NELL1: variants seen among roughly 807,000 people sequenced by gnomAD.
NELL1 encodes the protein neural EGFL like 1, also known as protein kinase C-binding protein NELL1.
Under a neutral mutation model 107.4 loss-of-function variants are expected in NELL1, and 76 were observed. The ratio of observed to expected loss-of-function variants is 0.71; its 90% confidence interval spans 0.59 to 0.86. The LOEUF (loss-of-function observed/expected upper bound fraction) is 0.86, where lower values mean the gene tolerates loss of function less well. Among genes scored for constraint, NELL1 ranks in the 40% least tolerant of loss-of-function variants. The pLI, the probability that NELL1 is intolerant of heterozygous loss-of-function variation, is 0.00. For synonymous variants in NELL1, 353 were observed against 341.2 expected, an observed-to-expected ratio of 1.03 and a Z score of -0.38; for missense variants, 1,024 against 1,005.5, an observed-to-expected ratio of 1.02 and a Z score of -0.25.
intron 4 of NELL1, among the ~76,000 whole-genome samples, chr11:20,863,960 C>T (rs544530142): frequency 3.7e-4 from 57 of 152,234 alleles, no homozygotes; most frequent in South Asian, 1.2e-3. Flanking sequence ...ATACGAAAAC[C>T]AGTCAGGCGT....
intron 1 of NELL1, among the ~76,000 whole-genome samples, chr11:20,677,287 G>C (rs1019897063): frequency 2.0e-5 from 3 of 152,100 alleles, no homozygotes; most frequent in Non-Finnish European, 4.4e-5. Flanking sequence ...ATTAATTAGG[G>C]AACACTTTGT....
intron 15 of NELL1, among the ~76,000 whole-genome samples, chr11:21,377,488 A>T (rs1280437974): frequency 6.6e-6 from 1 of 152,112 alleles, no homozygotes; most frequent in Non-Finnish European, 1.5e-5. Context: ...TTCATCAGGC[A>T]CAATGGCCTT....
At chr11:20,792,131 TTTTAAGCTATA>T (rs2133992030) in intron 3 of NELL1, among the ~76,000 whole-genome samples, 1 of 152,246 alleles carries the variant, frequency 6.6e-6, no homozygotes, top group African/African-American at 2.4e-5. Context: ...TTTAGCTGAT[TTTTAAGCTATA>T]TTGAATAGCT....
chr11:21,093,132 CCAT>C lies in NELL1; in HGVS notation c.1301-20454_1301-20452del, dbSNP rs141352714. Reference sequence around the variant, plus strand: ...ATTGATTTCTTTGGTGTAAATATTTCCATCAACAGGCCAATGTGAAATCACTGA... The same window carrying C: ...ATTGATTTCTTTGGTGTAAATATTTCCAACAGGCCAATGTGAAATCACTGA... On this transcript the variant is annotated intron_variant, in intron 12 of 19. Coordinates refer to ENST00000357134, the MANE Select transcript of NELL1 (RefSeq NM_006157.5). 9.4e-3 allele frequency among the ~76,000 whole-genome samples: 1,425 copies of C among 152,160 alleles called. 18 individuals are homozygous for C. Among genetic ancestry groups the C allele is most frequent in the African/African-American group, 0.032 (1,333 of 41,514 alleles).
intron 2 of NELL1, among the ~76,000 whole-genome samples, chr11:20,758,873 A>G (rs1257654424): frequency 1.3e-5 from 2 of 152,220 alleles, no homozygotes; most frequent in African/African-American, 4.8e-5. Context: ...TTCTATTAAT[A>G]AGAATCTGTA....
intron 15 of NELL1, among the ~76,000 whole-genome samples, chr11:21,456,743 G>A (rs1272517634): frequency 2.0e-5 from 3 of 152,118 alleles, no homozygotes; most frequent in East Asian, 1.9e-4. Flanking sequence ...GGCAGGGCTT[G>A]TAGCAGAAAT....
At chr11:21,113,505 T>C in intron 12 of NELL1, 84 bp from the exon 13 acceptor site, 2 of 1,382,608 alleles carry the variant, frequency 1.4e-6, no homozygotes, top group East Asian at 4.7e-5. Flanking sequence ...TGGACATTTA[T>C]CTTTTTTAAT....
At chr11:20,830,517 T>C (rs1319552143) in intron 3 of NELL1, among the ~76,000 whole-genome samples, 2 of 151,836 alleles carry the variant, frequency 1.3e-5, no homozygotes, top group Non-Finnish European at 2.9e-5. Flanking sequence ...TTTGTATTTT[T>C]AGTAGAGACA....
intron 4 of NELL1, among the ~76,000 whole-genome samples, chr11:20,857,007 T>C (rs978569371): frequency 1.3e-5 from 2 of 152,170 alleles, no homozygotes; most frequent in Non-Finnish European, 2.9e-5. Context: ...GGAGTACAGG[T>C]GCATAACTCC....
At chr11:21,402,596 A>G (rs1183169464) in intron 15 of NELL1, among the ~76,000 whole-genome samples, 1 of 151,570 alleles carries the variant, frequency 6.6e-6, no homozygotes, top group African/African-American at 2.4e-5. Flanking sequence ...GAAAATTAGA[A>G]CTGTGGAGTA....
intron 2 of NELL1, among the ~76,000 whole-genome samples, chr11:20,728,872 G>T (rs968303500): frequency 2.0e-5 from 3 of 152,218 alleles, no homozygotes; most frequent in Non-Finnish European, 4.4e-5. Context: ...TATGAATAGT[G>T]TTGAATCTGT....
chr11:21,391,783 T>G (rs1355479960), intron 15 of NELL1, among the ~76,000 whole-genome samples: 2 of 150,644 alleles, frequency 1.3e-5, no homozygotes, highest in East Asian at 4.0e-4. Context: ...TACATACAGG[T>G]GCATGCATTT....
intron 4 of NELL1, among the ~76,000 whole-genome samples, chr11:20,867,389 AATT>A (rs1210565408): frequency 6.6e-6 from 1 of 152,134 alleles, no homozygotes; most frequent in Non-Finnish European, 1.5e-5. Flanking sequence ...AGCAAATGTT[AATT>A]ATTATTATTG....
intron 15 of NELL1, among the ~76,000 whole-genome samples, chr11:21,410,986 G>T (rs1852362892): frequency 6.6e-6 from 1 of 152,012 alleles, no homozygotes; most frequent in African/African-American, 2.4e-5. Context: ...TGGCCAGTTT[G>T]TTTCCCTTAA....
At chr11:20,897,605 G>T (rs1351355751) in intron 5 of NELL1, among the ~76,000 whole-genome samples, 1 of 152,168 alleles carries the variant, frequency 6.6e-6, no homozygotes, top group South Asian at 2.1e-4. Context: ...CACAGCAAAA[G>T]AAACTACCAT....
At chr11:20,956,446 A>G (rs914087647) in intron 11 of NELL1, among the ~76,000 whole-genome samples, 2 of 151,770 alleles carry the variant, frequency 1.3e-5, no homozygotes, top group African/African-American at 2.4e-5. Flanking sequence ...GGAGATTGAG[A>G]CTGTCCTGGC....
intron 13 of NELL1, among the ~76,000 whole-genome samples, chr11:21,176,847 T>C (rs969377783): frequency 6.6e-6 from 1 of 151,792 alleles, no homozygotes. Flanking sequence ...CAGTCTGTGG[T>C]ATTTTGTATT....
At chr11:21,413,828 A>T (rs11026075) in intron 15 of NELL1, among the ~76,000 whole-genome samples, 1 of 152,090 alleles carries the variant, frequency 6.6e-6, no homozygotes, top group African/African-American at 2.4e-5. Context: ...ATTTGAATCA[A>T]TCCTTCCAGA....
chr11:21,162,015 A>G (rs1349225671), intron 13 of NELL1, among the ~76,000 whole-genome samples: 2 of 131,852 alleles, frequency 1.5e-5, no homozygotes, highest in Admixed American at 9.2e-5. Context: ...CAGTGGTGCA[A>G]TCTCAGCTCA....
Sources: allele counts gnomAD v4.1 joint callset (sites outside exome capture counted in the v4.1 genomes callset), GRCh38; gene constraint gnomAD v4.1.1; transcripts MANE v1.5; gene names NCBI Gene and HGNC (gene_info 2026-07-23, HGNC 2026-07-21).